Variants in MAP7D2 observed in about 807,000 individuals in gnomAD.
MAP7D2 encodes the protein MAP7 domain-containing protein 2.
Under a neutral mutation model 63.5 loss-of-function variants are expected in MAP7D2, and 33 were observed. That is an observed-to-expected ratio of 0.52 (90% CI 0.39 to 0.70). The LOEUF (loss-of-function observed/expected upper bound fraction) is 0.70, where lower values mean the gene tolerates loss of function less well. Ranked by LOEUF, MAP7D2 falls within the 30% of genes least tolerant of loss-of-function variation. The pLI is 0.00. For synonymous variants in MAP7D2, 224 were observed against 223.7 expected (o/e 1.00, Z -0.01); for missense variants, 626 against 604.0 (o/e 1.04, Z -0.38).
intron 16 of MAP7D2, among the ~76,000 whole-genome samples, chrX:20,009,760 C>T (rs1843660912): frequency 9.2e-6 from 1 of 109,084 alleles, no homozygotes; most frequent in Non-Finnish European, 1.9e-5. Context: ...ACTTGGGAGG[C>T]CAAGGAGAGA....
At chrX:20,046,345 G>A (rs1437690155) in intron 6 of MAP7D2, among the ~76,000 whole-genome samples, 1 of 112,231 alleles carries the variant, frequency 8.9e-6, no homozygotes, top group Non-Finnish European at 1.9e-5. Context: ...TATTTCTGAT[G>A]CAGAGTCTGA....
intron 8 of MAP7D2, among the ~76,000 whole-genome samples, chrX:20,035,912 C>CA (rs1301734003): frequency 1.3e-5 from 1 of 78,246 alleles, no homozygotes; most frequent in African/African-American, 4.9e-5. Flanking sequence ...GACTCCGTCT[C>CA]AAAAAAAATA....
At chrX:20,107,729 G>T (rs1025380742) in intron 1 of MAP7D2, among the ~76,000 whole-genome samples, 1 of 111,664 alleles carries the variant, frequency 9.0e-6, no homozygotes, top group Non-Finnish European at 1.9e-5. Context: ...CATTCTGTTT[G>T]TATTAGCCAG....
rs908279582 is a variant in MAP7D2 at position 20,080,681 on chromosome X, G to C, written c.131-15876C>G. Reference sequence around the variant, plus strand: ...TACAGAGAGGGCAGCTGAGTACAGTGCCCTGGGAGCAGGGGCTCCAGAGCC... The same window carrying C: ...TACAGAGAGGGCAGCTGAGTACAGTCCCCTGGGAGCAGGGGCTCCAGAGCC... On this transcript the variant is annotated intron_variant, in intron 1 of 16. Coordinates refer to ENST00000379643, the MANE Select transcript of MAP7D2 (RefSeq NM_001168465.2). 2.5e-4 allele frequency among the ~76,000 whole-genome samples: 28 copies of C among 111,419 alleles called. 1 individual carries two copies. The highest frequency in any genetic ancestry group is 5.7e-5 in the Non-Finnish European group (3 of 53,097).
At chrX:20,023,533 G>A (rs2073730829) in intron 10 of MAP7D2, among the ~76,000 whole-genome samples, 1 of 112,756 alleles carries the variant, frequency 8.9e-6, no homozygotes. Flanking sequence ...AGTGGTAGGT[G>A]TGAGGTTTGA....
At position 20,064,729 on chromosome X, in the gene MAP7D2, C is replaced by G. The variant is rs1337617969; in HGVS notation, c.207G>C (p.Leu69=). Residue 69 remains leucine, a splice_region_variant and synonymous_variant, in exon 2 of 17, where the codon CTG becomes CTC. Coordinates refer to ENST00000379643, the MANE Select transcript of MAP7D2 (RefSeq NM_001168465.2). ...AAATAGCCAAAGTGCATAACTTACCCAGACATTTTTCTCTTTCTTCTCGTC... is the reference window on the plus strand; with the variant it reads ...AAATAGCCAAAGTGCATAACTTACCGAGACATTTTTCTCTTTCTTCTCGTC... The part of the protein sequence containing the change: ...KERREEREKC[L]AAREQQILEK... The G allele has an allele frequency of 8.3e-7, 1 of 1,210,107 alleles. No individual in the cohort carries two copies. Among genetic ancestry groups the G allele is most frequent in the Admixed American group, 2.2e-5 (1 of 46,028 alleles).
At chrX:20,016,924 G>T (rs1043597111) in intron 10 of MAP7D2, among the ~76,000 whole-genome samples, 14 of 112,143 alleles carry the variant, frequency 1.2e-4, no homozygotes, top group Non-Finnish European at 2.4e-4. Flanking sequence ...ATCTATTTTA[G>T]CTTTCTTTGC....
chrX:20,050,997 C>T, intron 5 of MAP7D2, 51 bp from the exon 6 acceptor site: 1 of 1,024,310 alleles, frequency 9.8e-7, no homozygotes, highest in Non-Finnish European at 1.3e-6. Flanking sequence ...TAAAACAAAA[C>T]AAAATAAAAC....
In MAP7D2 at chrX:20,078,951, C is replaced by T. The variant is rs111886068; in HGVS notation, c.131-14146G>A. ...GGGACCCATTGGGTAGGCTAGGCCC[C>T]GAGAGTGTACATATTTGCCAAAACT... is the stretch of plus-strand genomic sequence containing the variant. On this transcript the variant is annotated intron_variant, in intron 1 of 16. Transcript: ENST00000379643. Among the ~76,000 whole-genome samples the T allele has an allele frequency of 8.9e-4, 97 of 109,356 alleles. 1 individual carries two copies. Among genetic ancestry groups the T allele is most frequent in the African/African-American group, 3.2e-3 (95 of 30,109 alleles). 95.0% of individuals were successfully genotyped at this position (109,356 alleles called of 115,157 possible).
chrX:20,069,446 C>T lies in MAP7D2; in HGVS notation c.131-4641G>A, dbSNP rs142048211. Among the ~76,000 whole-genome samples the T allele has an allele frequency of 2.5e-3, 280 of 111,108 alleles. 1 individual carries two copies. The highest frequency in any genetic ancestry group is 4.3e-3 in the Non-Finnish European group (229 of 52,975). ...TGATGTTGGAACTCCTAGGCTAAAG[C>T]AATCTTCCTGCCTCAGCCTCCTAAA... On this transcript the variant is annotated intron_variant, in intron 1 of 16. Transcript: ENST00000379643.
At chrX:20,016,554 T>C (rs958945623) in intron 10 of MAP7D2, among the ~76,000 whole-genome samples, 1 of 112,710 alleles carries the variant, frequency 8.9e-6, no homozygotes, top group African/African-American at 3.2e-5. Flanking sequence ...AATACAGCAA[T>C]GAATGATGTG....
chrX:20,064,542 TG>T (rs1003205367), intron 2 of MAP7D2, among the ~76,000 whole-genome samples, 185 bp downstream of exon 2: 1 of 112,004 alleles, frequency 8.9e-6, no homozygotes, highest in Non-Finnish European at 1.9e-5. Context: ...GTTTGCCGAG[TG>T]AACTATTCTG....
chrX:20,086,312 A>T (rs2065908793), intron 1 of MAP7D2, among the ~76,000 whole-genome samples: 1 of 111,448 alleles, frequency 9.0e-6, no homozygotes, highest in Admixed American at 9.6e-5. Flanking sequence ...GCCCACGGGA[A>T]CCCTGTCCTC....
At position 20,056,721 on chromosome X, in the gene MAP7D2, G is replaced by A; in HGVS notation, c.443C>T (p.Ser148Leu). 2 of 1,211,376 alleles carry A rather than the reference G, an allele frequency of 1.7e-6. No individual in the cohort carries two copies. The highest frequency in any genetic ancestry group is 1.8e-5 in the South Asian group (1 of 56,964). The change falls in exon 4 of 17, where the codon TCG becomes TTG. Residue 148 changes from serine (S) to leucine (L), a missense_variant. Physicochemically the swap from Ser to Leu is moderately radical, Grantham distance 145. Coordinates refer to ENST00000379643, the MANE Select transcript of MAP7D2 (RefSeq NM_001168465.2). ...TCCAATGGCCAGTGGTGCTCCCCAC[G>A]AATACTTCTTTTTCAGCTCCAGCTG... ...TQQLELKKKY[S>L]WGAPLAIGPG...
intron 1 of MAP7D2, among the ~76,000 whole-genome samples, chrX:20,101,754 G>C (rs1193602326): frequency 3.6e-5 from 4 of 112,253 alleles, no homozygotes; most frequent in African/African-American, 9.7e-5. Flanking sequence ...TGACAACATA[G>C]GTGAATCTTG....
chrX:20,095,275 A>G (rs1434376276), intron 1 of MAP7D2, among the ~76,000 whole-genome samples: 1 of 111,894 alleles, frequency 8.9e-6, no homozygotes, highest in East Asian at 2.8e-4. Flanking sequence ...ACAGTGGCTC[A>G]TGTCTGTAAT....
intron 1 of MAP7D2, among the ~76,000 whole-genome samples, chrX:20,068,945 C>T (rs1050594365): frequency 2.7e-5 from 3 of 111,564 alleles, no homozygotes. Context: ...TTTCTCTTGC[C>T]GCTGCCATGT....
chrX:20,075,638 G>A (rs914612019), intron 1 of MAP7D2, among the ~76,000 whole-genome samples: 6 of 111,344 alleles, frequency 5.4e-5, no homozygotes, highest in African/African-American at 1.3e-4. Context: ...GCCAGAGGAC[G>A]AGGCAAAAAG....
chrX:20,075,213 C>T (rs981118856), intron 1 of MAP7D2, among the ~76,000 whole-genome samples: 1 of 111,787 alleles, frequency 8.9e-6, no homozygotes, highest in African/African-American at 3.3e-5. Flanking sequence ...AGCTCTGAGG[C>T]CCCATTCAAC....
Sources: gnomAD v4.1 joint callset for allele counts (sites outside exome capture counted in the v4.1 genomes callset) on GRCh38, gnomAD v4.1.1 for gene constraint, MANE v1.5 for transcripts, NCBI Gene and HGNC (gene_info 2026-07-23, HGNC 2026-07-21) for gene names.